The following CTNNA1 variants were observed in gnomAD, a reference collection of about 807,000 sequenced individuals.
CTNNA1 encodes catenin alpha 1.
A neutral mutation model predicts 98.4 loss-of-function variants in CTNNA1; 37 were observed. That is an observed-to-expected ratio of 0.38 (90% confidence interval 0.29 to 0.49). The LOEUF is 0.49. Among genes scored for constraint, CTNNA1 ranks in the 20% least tolerant of loss-of-function variants. The pLI, the probability that CTNNA1 is intolerant of heterozygous loss-of-function variation, is 0.95. For synonymous variants in CTNNA1, 404 were observed against 413.2 expected, an observed-to-expected ratio of 0.98 and a Z score of 0.27; for missense variants, 761 against 1,147.2, an observed-to-expected ratio of 0.66 and a Z score of 4.86.
rs1453728838 is a variant in CTNNA1 at position 138,824,486 on chromosome 5, C to T, written c.589-44C>T. The stretch of plus-strand genomic sequence containing the variant: ...AGCAAATTTTTATATGAGTAAAGCC[C>T]ATATAAAGAGTGCTCCAATTTCTTG... On this transcript the variant is annotated intron_variant, in intron 5 of 17. Coordinates refer to ENST00000302763, the MANE Select transcript of CTNNA1 (RefSeq NM_001903.5). The T allele has an allele frequency of 1.9e-6, 3 of 1,599,056 alleles. No individual in the cohort carries two copies. In the Admixed American group the frequency reaches 5.1e-5, roughly 27 times the overall value.
At chr5:138,773,075 A>G (rs1439058015) in intron 1 of CTNNA1, among the ~76,000 whole-genome samples, 1 of 152,226 alleles carries the variant, frequency 6.6e-6, no homozygotes, top group African/African-American at 2.4e-5. Flanking sequence ...TTCAAGTAGA[A>G]CATGTTCTCT....
At chr5:138,861,739 A>G (rs1190876191) in intron 7 of CTNNA1, among the ~76,000 whole-genome samples, 2 of 152,248 alleles carry the variant, frequency 1.3e-5, no homozygotes, top group Non-Finnish European at 2.9e-5. Context: ...AGTGAAAGCA[A>G]AATGAATAAA....
chr5:138,777,615 G>T (rs1403871052), intron 1 of CTNNA1, among the ~76,000 whole-genome samples: 2 of 152,028 alleles, frequency 1.3e-5, no homozygotes, highest in African/African-American at 4.8e-5. Flanking sequence ...CGGCACCTCT[G>T]GAGGCCGAGG....
chr5:138,811,074 C>T (rs1187077154), intron 4 of CTNNA1, among the ~76,000 whole-genome samples: 11 of 152,244 alleles, frequency 7.2e-5, no homozygotes, highest in African/African-American at 2.6e-4. Context: ...CTCCTCACTT[C>T]CCAGACGGTG....
rs144377590 is a variant in CTNNA1, at chr5:138,932,053, TTACTC to T, written c.2299-524_2299-520del. 1.7e-3 allele frequency: 1,632 copies of T among 985,742 alleles called. 19 individuals are homozygous for T. The African/African-American group carries it at 0.026, about 16-fold the overall frequency. 61.1% of individuals were successfully genotyped at this position (985,742 alleles called of 1,614,324 possible). A position where few individuals can be genotyped will look rare whatever the true frequency, so the allele number is the denominator to read the frequency against. ...CAACTGCTTTTTTTCTTGCTTTACT[TTACTC>T]ACTTGTCTTCCACCTCAGCCTGCAG... On this transcript the variant is annotated intron_variant, in intron 16 of 17. Transcript: ENST00000302763.
chr5:138,774,656 C>T (rs966347639), intron 1 of CTNNA1, among the ~76,000 whole-genome samples: 4 of 151,250 alleles, frequency 2.6e-5, no homozygotes, highest in East Asian at 2.0e-4. Context: ...GAGTCTCGCT[C>T]TGTCGCCCAG....
chr5:138,771,287 A>C (rs1753526692), intron 1 of CTNNA1, among the ~76,000 whole-genome samples: 1 of 151,956 alleles, frequency 6.6e-6, no homozygotes, highest in African/African-American at 2.4e-5. Flanking sequence ...GTAGCACAGC[A>C]GTTCCAACTG....
intron 5 of CTNNA1, among the ~76,000 whole-genome samples, chr5:138,814,247 G>A (rs1759166989): frequency 6.8e-6 from 1 of 146,422 alleles, no homozygotes; most frequent in South Asian, 2.1e-4. Context: ...TAGGCTCAGT[G>A]TGCTTTTTTT....
chr5:138,789,188 T>TC lies in CTNNA1; in HGVS notation c.301+5826dup, dbSNP rs11331872. Among the ~76,000 whole-genome samples the TC allele has an allele frequency of 1.8e-3, 269 of 149,326 alleles. 2 individuals carry two copies. The highest frequency in any genetic ancestry group is 0.014 in the Middle Eastern group (4 of 286). ...CATAGGAGGCTGTTTTTCCTGTTTT[T>TC]CCCCCCCCCCAGAGCTTATAATGAT... On this transcript the variant is annotated intron_variant, in intron 3 of 17. Coordinates refer to ENST00000302763, the MANE Select transcript of CTNNA1 (RefSeq NM_001903.5).
At chr5:138,900,331 G>A (rs553506657) in intron 9 of CTNNA1, among the ~76,000 whole-genome samples, 58 of 152,286 alleles carry the variant, frequency 3.8e-4, no homozygotes, top group African/African-American at 1.4e-3. Flanking sequence ...AAAGCTCCCT[G>A]TCCCACATCT....
intron 10 of CTNNA1, among the ~76,000 whole-genome samples, chr5:138,917,202 T>G (rs960227139): frequency 6.6e-6 from 1 of 152,270 alleles, no homozygotes; most frequent in Non-Finnish European, 1.5e-5. Flanking sequence ...ATGAATACAT[T>G]TTGATAATGT....
chr5:138,906,643 T>G (rs1759318869), intron 10 of CTNNA1, among the ~76,000 whole-genome samples: 1 of 152,220 alleles, frequency 6.6e-6, no homozygotes, highest in South Asian at 2.1e-4. Context: ...GGGTTTGAGT[T>G]AGCCATCAGA....
At chr5:138,932,844 C>G in intron 17 of CTNNA1, 132 bp downstream of exon 17, 1 of 1,166,066 alleles carries the variant, frequency 8.6e-7, no homozygotes. Flanking sequence ...AGTCCTGTCC[C>G]AGTCTCTGGA....
chr5:138,847,635 G>A (rs1272295280), intron 7 of CTNNA1, among the ~76,000 whole-genome samples: 1 of 152,208 alleles, frequency 6.6e-6, no homozygotes, highest in Non-Finnish European at 1.5e-5. Context: ...AGAAAGATGT[G>A]TTACGGTAGA....
chr5:138,922,664 C>T (rs180910501), intron 11 of CTNNA1, among the ~76,000 whole-genome samples: 25 of 152,226 alleles, frequency 1.6e-4, no homozygotes, highest in Middle Eastern at 3.4e-3. Context: ...GTGGGCAGAG[C>T]CTGTCCCCCT....
At chr5:138,865,112 G>A (rs187807721) in intron 7 of CTNNA1, among the ~76,000 whole-genome samples, 41 of 152,216 alleles carry the variant, frequency 2.7e-4, no homozygotes, top group East Asian at 7.7e-4. Flanking sequence ...GCTCCCGGCC[G>A]GAAGATGTTT....
intron 1 of CTNNA1, among the ~76,000 whole-genome samples, chr5:138,777,820 T>G (rs1451630665): frequency 6.8e-6 from 1 of 147,132 alleles, no homozygotes; most frequent in African/African-American, 2.5e-5. Context: ...ACAGTCCAGC[T>G]TCAGCTCGGC....
chr5:138,854,983 C>G (rs1763594139), intron 7 of CTNNA1, among the ~76,000 whole-genome samples: 1 of 152,172 alleles, frequency 6.6e-6, no homozygotes. Flanking sequence ...GTGTGAAGAG[C>G]AAAATTGGTC....
intron 1 of CTNNA1, among the ~76,000 whole-genome samples, chr5:138,776,759 C>T (rs1486873993): frequency 4.1e-5 from 6 of 146,746 alleles, no homozygotes; most frequent in Admixed American, 6.8e-5. Flanking sequence ...CGGGCAGAAG[C>T]GCCCCTCACC....
Sources: gnomAD v4.1 joint callset for allele counts (sites outside exome capture counted in the v4.1 genomes callset) on GRCh38, gnomAD v4.1.1 for gene constraint, MANE v1.5 for transcripts, NCBI Gene and HGNC (gene_info 2026-07-23, HGNC 2026-07-21) for gene names.